Variants in PPFIA1 observed in about 807,000 individuals in gnomAD.
The protein encoded by PPFIA1 is liprin-alpha-1.
A neutral mutation model predicts 149.9 loss-of-function variants in PPFIA1; 25 were observed. That is an observed-to-expected ratio of 0.17 (90% confidence interval 0.12 to 0.23). The LOEUF (loss-of-function observed/expected upper bound fraction) is 0.23. Among genes scored for constraint, PPFIA1 ranks in the 10% least tolerant of loss-of-function variants. The probability of loss-of-function intolerance (pLI) is 1.00; values close to 1 mark genes in which losing one functional copy is unlikely to be tolerated. For missense variants in PPFIA1, 1,362 were observed against 1,506.5 expected (o/e 0.90, Z 1.59); for synonymous variants, 549 against 552.8 (o/e 0.99, Z 0.10).
intron 2 of PPFIA1, among the ~76,000 whole-genome samples, chr11:70,316,403 T>G (rs2053629253): frequency 1.3e-5 from 2 of 152,382 alleles, no homozygotes; most frequent in South Asian, 4.1e-4. Context: ...CTGAATAATA[T>G]TCCACTGAGT....
chr11:70,326,717 T>C lies in PPFIA1; in HGVS notation c.829T>C (p.Ser277Pro), dbSNP rs780680851. The C allele has an allele frequency of 6.2e-7, 1 of 1,614,136 alleles. No individual in the cohort carries two copies. Among genetic ancestry groups the C allele is most frequent in the African/African-American group, 1.3e-5 (1 of 75,030 alleles). ...SQMKERLASL[S>P]SHVTELEEDL... ...AATGAAAGAACGCCTGGCTTCCCTT[T>C]CCAGTCATGTGACAGAACTGGAAGA... The change falls in exon 7 of 28, where the codon TCC (serine) becomes CCC (proline). Residue 277 changes from serine (S) to proline (P), a missense_variant. Ser to Pro is a moderately conservative substitution (Grantham distance 74, BLOSUM62 -1). Around this residue, in one of 7 missense-constraint regions of PPFIA1, gnomAD observed 733 missense variants for 744.1 expected, o/e 0.99. Transcript: ENST00000253925.
intron 2 of PPFIA1, among the ~76,000 whole-genome samples, chr11:70,285,079 T>C (rs1007255877): frequency 3.3e-5 from 5 of 152,136 alleles, no homozygotes; most frequent in African/African-American, 1.2e-4. Context: ...TGATCTCGGC[T>C]CACTGCAACC....
intron 19 of PPFIA1, among the ~76,000 whole-genome samples, chr11:70,360,955 G>A (rs1198803937): frequency 6.6e-6 from 1 of 152,134 alleles, no homozygotes; most frequent in Non-Finnish European, 1.5e-5. Context: ...AAAACAATTA[G>A]CCTCTTTGAA....
intron 8 of PPFIA1, among the ~76,000 whole-genome samples, chr11:70,331,453 C>T (rs958934647): frequency 6.6e-6 from 1 of 151,906 alleles, no homozygotes. Flanking sequence ...AAACCAAGAC[C>T]AGGAAAGTGG....
At chr11:70,359,390 A>G (rs1284952067) in intron 19 of PPFIA1, among the ~76,000 whole-genome samples, 1 of 152,178 alleles carries the variant, frequency 6.6e-6, no homozygotes, top group Non-Finnish European at 1.5e-5. Flanking sequence ...ATCTTTCCTC[A>G]GGACTCTGCC....
chr11:70,354,488 C>T (rs7943389), intron 17 of PPFIA1, 36 bp downstream of exon 17: 1,336,370 of 1,569,598 alleles, frequency 0.85, 570,485 homozygotes, highest in East Asian at 1. Context: ...CAGAGCGCAC[C>T]TGTCTTTTCG....
intron 2 of PPFIA1, among the ~76,000 whole-genome samples, chr11:70,288,967 G>GTTTT (rs34756873): frequency 1.1e-4 from 14 of 124,134 alleles, no homozygotes; most frequent in South Asian, 2.6e-4. Context: ...GCATCTGGTT[G>GTTTT]TTTTTTTTTT....
intron 2 of PPFIA1, among the ~76,000 whole-genome samples, chr11:70,300,748 T>C (rs1321703430): frequency 2.6e-5 from 4 of 152,212 alleles, no homozygotes; most frequent in African/African-American, 9.6e-5. Context: ...TTGGCCAGGA[T>C]GGTCTCGATC....
intron 8 of PPFIA1, among the ~76,000 whole-genome samples, chr11:70,331,000 G>T (rs916944559): frequency 2.0e-5 from 3 of 152,122 alleles, no homozygotes; most frequent in African/African-American, 7.2e-5. Context: ...TTGGGAGGCC[G>T]AGGCAGGTGG....
chr11:70,312,124 G>A (rs139352191), intron 2 of PPFIA1, among the ~76,000 whole-genome samples: 107 of 151,874 alleles, frequency 7.0e-4, no homozygotes, highest in African/African-American at 2.5e-3. Flanking sequence ...GATTACAAGC[G>A]TGAGCCACCA....
In PPFIA1 at chr11:70,289,332, A is replaced by G. The variant is rs753620523; in HGVS notation, c.264+16896A>G. 5.1e-4 allele frequency among the ~76,000 whole-genome samples: 76 copies of G among 148,622 alleles called. 1 individual carries two copies. Among genetic ancestry groups the G allele is most frequent in the Admixed American group, 6.1e-4 (9 of 14,870 alleles). On this transcript the variant is annotated intron_variant, in intron 2 of 27. Transcript: ENST00000253925. ...GCTAGAAAAAAATGTTCATTAAAAAACCTCCAATTTCATACTGATTCTTTA... is the reference window on the plus strand; with the variant it reads ...GCTAGAAAAAAATGTTCATTAAAAAGCCTCCAATTTCATACTGATTCTTTA...
chr11:70,332,955 A>T, intron 9 of PPFIA1: 2 of 444,072 alleles, frequency 4.5e-6, no homozygotes, highest in Non-Finnish European at 9.2e-6. Flanking sequence ...CCACTCCATG[A>T]TCTGCTTTTA....
At chr11:70,361,404 ATGTAAATAGCTGT>A (rs2056637710) in intron 19 of PPFIA1, among the ~76,000 whole-genome samples, 1 of 152,172 alleles carries the variant, frequency 6.6e-6, no homozygotes, top group Non-Finnish European at 1.5e-5. Context: ...TGTAAGTGCT[ATGTAAATAGCTGT>A]TGTACTGTAT....
chr11:70,315,723 G>GATAAAAAT (rs2053581178), intron 2 of PPFIA1, among the ~76,000 whole-genome samples: 1 of 110,458 alleles, frequency 9.1e-6, no homozygotes, highest in Non-Finnish European at 1.7e-5. Context: ...ATACATGTAA[G>GATAAAAAT]ATAAAAATAC....
chr11:70,311,632 G>GGCT (rs1409785781), intron 2 of PPFIA1, among the ~76,000 whole-genome samples: 1 of 152,108 alleles, frequency 6.6e-6, no homozygotes, highest in Non-Finnish European at 1.5e-5. Context: ...TGGGTTAGAG[G>GGCT]GCTGGTGGCG....
chr11:70,347,003 A>C (rs768653626), intron 15 of PPFIA1, among the ~76,000 whole-genome samples: 1 of 152,202 alleles, frequency 6.6e-6, no homozygotes, highest in Non-Finnish European at 1.5e-5. Flanking sequence ...TGAATCCAGA[A>C]ATTTACATGA....
At chr11:70,347,858 C>G (rs1481866232) in intron 15 of PPFIA1, among the ~76,000 whole-genome samples, 1 of 152,028 alleles carries the variant, frequency 6.6e-6, no homozygotes, top group East Asian at 1.9e-4. Context: ...GAAAAATTAG[C>G]CGGGCATGGT....
intron 13 of PPFIA1, 67 bp downstream of exon 13, chr11:70,338,520 G>C (rs1013996270): frequency 4.4e-6 from 6 of 1,350,400 alleles, no homozygotes; most frequent in Admixed American, 1.7e-5. Context: ...TGGCTATGTG[G>C]GCAGCCTAAC....
chr11:70,343,545 C>A, intron 14 of PPFIA1, 124 bp from the exon 15 acceptor site: 1 of 810,262 alleles, frequency 1.2e-6, no homozygotes, highest in Non-Finnish European at 2.0e-6. Flanking sequence ...ACCTTATAAG[C>A]ATGGCCCATC....
Sources: gnomAD v4.1 joint callset for allele counts (sites outside exome capture counted in the v4.1 genomes callset) on GRCh38, gnomAD v4.1.1 for gene constraint, gnomAD v4.1.1 regional missense constraint, MANE v1.5 for transcripts, NCBI Gene and HGNC (gene_info 2026-07-23, HGNC 2026-07-21) for gene names.